Variants in NUP153 observed in about 807,000 individuals in gnomAD.
NUP153 encodes the protein nucleoporin 153, also known as nuclear pore complex protein Nup153.
A neutral mutation model predicts 134.6 loss-of-function variants in NUP153; 27 were observed. The observed-to-expected ratio is 0.20, with a 90% CI of 0.15 to 0.28. The LOEUF (loss-of-function observed/expected upper bound fraction) is 0.28. Among genes scored for constraint, NUP153 ranks in the 10% least tolerant of loss-of-function variants. The probability of loss-of-function intolerance (pLI) is 1.00; values close to 1 mark genes in which losing one functional copy is unlikely to be tolerated. For synonymous variants in NUP153, 640 were observed against 623.5 expected (o/e 1.03, Z -0.40); for missense variants, 1,821 against 1,731.3 (o/e 1.05, Z -0.92).
intron 9 of NUP153, among the ~76,000 whole-genome samples, chr6:17,663,841 T>G (rs1351851247): frequency 6.6e-6 from 1 of 152,104 alleles, no homozygotes; most frequent in African/African-American, 2.4e-5. Context: ...TATGGGACAT[T>G]TTATAAGACA....
chr6:17,648,887 C>A (rs1304886554), intron 12 of NUP153, among the ~76,000 whole-genome samples: 4 of 151,870 alleles, frequency 2.6e-5, no homozygotes, highest in Admixed American at 2.6e-4. Context: ...GCACTCCTAC[C>A]CAAAAAGCAT....
At chr6:17,678,947 TAAA>T (rs58870324) in intron 2 of NUP153, among the ~76,000 whole-genome samples, 16 of 142,532 alleles carry the variant, frequency 1.1e-4, no homozygotes, top group Non-Finnish European at 1.1e-4. Flanking sequence ...CTATCTCATT[TAAA>T]AAAAAAAAAA....
intron 2 of NUP153, among the ~76,000 whole-genome samples, chr6:17,678,600 C>T (rs962181986): frequency 2.0e-5 from 3 of 152,102 alleles, no homozygotes; most frequent in African/African-American, 7.2e-5. Context: ...TGATGTGCTG[C>T]TAGACTGTAT....
Position 17,662,047 on chromosome 6 carries a change from T to A in NUP153, c.1239A>T (p.Thr413=), listed in dbSNP as rs1010398093. ...KCSTGYEKNM[T]PGQNREQRES... ...CTCGTTGTTCTCTATTTTGTCCGGG[T>A]GTCATATTTTTTTCATATCCAGTCT... The change falls in exon 10 of 22, where the codon ACA becomes ACT. Residue 413 remains threonine, a synonymous_variant. Transcript: ENST00000262077. 1.6e-5 allele frequency: 25 copies of A among 1,612,104 alleles called. No individual in the cohort carries two copies. The highest frequency in any genetic ancestry group is 8.3e-5 in the Admixed American group (5 of 59,886).
intron 1 of NUP153, among the ~76,000 whole-genome samples, chr6:17,694,014 T>C (rs1364769928): frequency 6.6e-6 from 1 of 152,172 alleles, no homozygotes; most frequent in African/African-American, 2.4e-5. Context: ...TTATTAAAAC[T>C]TTTTTTCTAT....
chr6:17,690,707 A>G (rs756379870), intron 1 of NUP153, among the ~76,000 whole-genome samples: 24 of 152,184 alleles, frequency 1.6e-4, no homozygotes, highest in Non-Finnish European at 1.2e-4. Context: ...CTCAGTAGGT[A>G]CAGAAAACAA....
At chr6:17,689,610 C>T (rs1034725886) in intron 1 of NUP153, among the ~76,000 whole-genome samples, 2 of 150,858 alleles carry the variant, frequency 1.3e-5, no homozygotes, top group African/African-American at 2.4e-5. Context: ...GATCTCGGCT[C>T]ACCACAACCT....
chr6:17,649,032 T>C, intron 12 of NUP153, 131 bp downstream of exon 12: 2 of 838,430 alleles, frequency 2.4e-6, no homozygotes, highest in Non-Finnish European at 3.5e-6. Flanking sequence ...AAACAGCATT[T>C]CCATTTCTCT....
chr6:17,617,480 A>AG (rs1764392514), intron 20 of NUP153, among the ~76,000 whole-genome samples: 1 of 151,514 alleles, frequency 6.6e-6, no homozygotes, highest in Non-Finnish European at 1.5e-5. Context: ...AAAAAAAAAA[A>AG]AAAAAAGGAT....
intron 17 of NUP153, among the ~76,000 whole-genome samples, chr6:17,630,031 C>T (rs1765151062): frequency 6.6e-6 from 1 of 152,190 alleles, no homozygotes; most frequent in Non-Finnish European, 1.5e-5. Flanking sequence ...AAAGATGTGT[C>T]CAAGATAATC....
chr6:17,631,899 G>A (rs547809109), intron 17 of NUP153, among the ~76,000 whole-genome samples: 13 of 152,188 alleles, frequency 8.5e-5, no homozygotes, highest in Non-Finnish European at 1.6e-4. Context: ...CCCAGGAGGC[G>A]GAGCTTGCAG....
rs1268672160 is a variant in NUP153, at chr6:17,638,695, T to C, written c.1847-925A>G. ...GTCAAATGAAGATTCTCCCCAAACATTTCCTATTTAAGAAGTAAAAAGGGA... is the reference window on the plus strand; with the variant it reads ...GTCAAATGAAGATTCTCCCCAAACACTTCCTATTTAAGAAGTAAAAAGGGA... On this transcript the variant is annotated intron_variant, in intron 15 of 21. Transcript: ENST00000262077. The surrounding 1 kb of genome is among the most constrained non-coding windows in gnomAD (Gnocchi z 4.0). Among the ~76,000 whole-genome samples, 2 of 152,340 alleles carry C rather than the reference T, an allele frequency of 1.3e-5. No individual in the cohort carries two copies. The highest frequency in any genetic ancestry group is 1.5e-5 in the Non-Finnish European group (1 of 68,022).
intron 1 of NUP153, among the ~76,000 whole-genome samples, chr6:17,705,206 T>G (rs535670361): frequency 2.6e-5 from 4 of 152,228 alleles, no homozygotes; most frequent in African/African-American, 9.6e-5. Flanking sequence ...ATCCTTTTGC[T>G]ACACTTTTGT....
At chr6:17,666,348 C>G (rs1767532267) in intron 8 of NUP153, among the ~76,000 whole-genome samples, 1 of 151,542 alleles carries the variant, frequency 6.6e-6, no homozygotes, top group African/African-American at 2.4e-5. Context: ...GAAAACGTCT[C>G]TACTAAAAAT....
chr6:17,640,421 T>C (rs189064607), intron 14 of NUP153, among the ~76,000 whole-genome samples: 1 of 152,206 alleles, frequency 6.6e-6, no homozygotes, highest in South Asian at 2.1e-4. Context: ...TACACAACAA[T>C]TTACAAAACT....
At chr6:17,616,895 G>A (rs950510048) in intron 20 of NUP153, among the ~76,000 whole-genome samples, 200 bp from the exon 21 acceptor site, 1 of 152,082 alleles carries the variant, frequency 6.6e-6, no homozygotes, top group Non-Finnish European at 1.5e-5. Flanking sequence ...GACTATATAG[G>A]TGCGTGCCAC....
At chr6:17,633,124 CAT>C (rs146910093) in intron 16 of NUP153, among the ~76,000 whole-genome samples, 6,048 of 152,226 alleles carry the variant, frequency 0.04, 366 homozygotes, top group East Asian at 0.29. Flanking sequence ...CCCTTAACCA[CAT>C]GTTTGAACTG....
At chr6:17,688,327 T>G in intron 2 of NUP153, 69 bp downstream of exon 2, 3 of 1,145,978 alleles carry the variant, frequency 2.6e-6, no homozygotes, top group Non-Finnish European at 3.9e-6. Flanking sequence ...TTACCATAAC[T>G]AGGTAGTGTC....
intron 11 of NUP153, 88 bp downstream of exon 11, chr6:17,661,565 G>T (rs758759687): frequency 1.5e-6 from 2 of 1,333,636 alleles, no homozygotes; most frequent in Non-Finnish European, 2.0e-6. Context: ...GGGTCTCTTC[G>T]AACCCCACCC....
Sources: gnomAD v4.1 joint callset for allele counts (sites outside exome capture counted in the v4.1 genomes callset) on GRCh38, gnomAD v4.1.1 for gene constraint, Gnocchi (gnomAD v3.1) non-coding constraint, MANE v1.5 for transcripts, NCBI Gene and HGNC (gene_info 2026-07-23, HGNC 2026-07-21) for gene names.